Variants in ERBB4 observed in about 807,000 individuals in gnomAD.
ERBB4 encodes the protein receptor tyrosine-protein kinase erbB-4.
Under a neutral mutation model 158.0 loss-of-function variants are expected in ERBB4, and 42 were observed. The observed-to-expected ratio is 0.27, with a 90% confidence interval of 0.21 to 0.34. The LOEUF (loss-of-function observed/expected upper bound fraction) is 0.34. Ranked by LOEUF, ERBB4 falls within the 10% of genes least tolerant of loss-of-function variation. The pLI is 1.00. For synonymous variants in ERBB4, 583 were observed against 558.7 expected, an observed-to-expected ratio of 1.04 and a Z score of -0.61; for missense variants, 1,333 against 1,624.1, an observed-to-expected ratio of 0.82 and a Z score of 3.08.
intron 1 of ERBB4, among the ~76,000 whole-genome samples, chr2:212,349,500 T>C (rs2089162172): frequency 6.6e-6 from 1 of 152,016 alleles, no homozygotes; most frequent in East Asian, 1.9e-4. Context: ...GACTAACAGA[T>C]TAAAATAAGA....
chr2:211,804,587 C>T (rs2076571762), intron 3 of ERBB4, among the ~76,000 whole-genome samples: 1 of 152,234 alleles, frequency 6.6e-6, no homozygotes, highest in Non-Finnish European at 1.5e-5. Flanking sequence ...AGTATGCTCT[C>T]AGCCAGAAGT....
chr2:212,216,163 C>T (rs187756801), intron 1 of ERBB4, among the ~76,000 whole-genome samples: 2 of 151,384 alleles, frequency 1.3e-5, no homozygotes, highest in Non-Finnish European at 3.0e-5. Context: ...TAGCAATGAG[C>T]ATATTATTTT....
intron 1 of ERBB4, among the ~76,000 whole-genome samples, chr2:212,456,169 G>T (rs1688279907): frequency 6.6e-6 from 1 of 152,000 alleles, no homozygotes; most frequent in Non-Finnish European, 1.5e-5. Flanking sequence ...GCAACATTTT[G>T]CAATGAAGAA....
At chr2:212,187,873 G>C (rs547081904) in intron 1 of ERBB4, among the ~76,000 whole-genome samples, 2 of 152,176 alleles carry the variant, frequency 1.3e-5, no homozygotes, top group South Asian at 2.1e-4. Flanking sequence ...ATGTGACTGA[G>C]AGCTCCTAAT....
At chr2:211,684,973 C>T (rs72945086) in intron 12 of ERBB4, among the ~76,000 whole-genome samples, 16,873 of 152,202 alleles carry the variant, frequency 0.11, 1,388 homozygotes, top group Non-Finnish European at 0.17. Context: ...CTGCTGCAAA[C>T]CCTGCTGTCT....
In ERBB4 at chr2:211,630,581, CA is replaced by C; in HGVS notation, c.1959del (p.Ile653MetfsTer5). ...AAGAGCCCACCAATTACTCCAGCTG[CA>C]ATCAGGGGAGTTCTGACAACCAGAA... ...TLPQHARTPLIAAGVIGGLFI... is the reference protein window; with the variant it reads ...TLPQHARTPLXAAGVIGGLFI... On this transcript the variant is annotated frameshift_variant, in exon 17 of 28. Transcript: ENST00000342788. LOFTEE classifies it high-confidence loss of function. 1 of 1,611,264 alleles carries C rather than the reference CA, an allele frequency of 6.2e-7. No homozygotes were observed. The highest frequency in any genetic ancestry group is 8.5e-7 in the Non-Finnish European group (1 of 1,179,264).
intron 3 of ERBB4, among the ~76,000 whole-genome samples, chr2:211,929,120 GTA>G (rs1341986050): frequency 1.3e-5 from 2 of 152,000 alleles, no homozygotes; most frequent in South Asian, 4.1e-4. Flanking sequence ...CCTGCCCTCA[GTA>G]CAGTTTGTGA....
At chr2:211,862,035 A>G (rs2078069773) in intron 3 of ERBB4, among the ~76,000 whole-genome samples, 3 of 152,164 alleles carry the variant, frequency 2.0e-5, no homozygotes, top group Non-Finnish European at 4.4e-5. Flanking sequence ...AGTTAATATA[A>G]AACATATTTA....
chr2:211,965,936 G>A (rs1011448138), intron 2 of ERBB4, among the ~76,000 whole-genome samples: 8 of 152,150 alleles, frequency 5.3e-5, no homozygotes, highest in Non-Finnish European at 4.4e-5. Flanking sequence ...ATATGGTTGG[G>A]CACAGAGAAT....
intron 1 of ERBB4, among the ~76,000 whole-genome samples, chr2:212,154,622 C>A (rs558208236): frequency 6.6e-6 from 1 of 151,458 alleles, no homozygotes; most frequent in South Asian, 2.1e-4. Flanking sequence ...CCGCCTGTCT[C>A]TTCCCTGCAA....
In ERBB4 at chr2:211,665,359, C is replaced by T. The variant is rs139122290; in HGVS notation, c.1835G>A (p.Arg612Gln). Residue 612 changes from arginine (R) to glutamine (Q), a missense_variant, in exon 15 of 28, where the codon CGG becomes CAG. Physicochemically the swap from Arg to Gln is conservative, Grantham distance 43. Transcript: ENST00000342788. ...GTTTGGATGGCATGGGTGGCACTCC[C>T]GATCTGGATCAGCATACTTGAAAAT... ...SFIFKYADPD[R>Q]ECHPCHPNCT... 105 of 1,614,012 alleles carry T rather than the reference C, an allele frequency of 6.5e-5. No individual in the cohort carries two copies. Among genetic ancestry groups the T allele is most frequent in the African/African-American group, 4.7e-4 (35 of 74,918 alleles).
At chr2:211,526,074 T>G (rs2066339992) in intron 20 of ERBB4, among the ~76,000 whole-genome samples, 1 of 152,108 alleles carries the variant, frequency 6.6e-6, no homozygotes, top group Admixed American at 6.5e-5. Context: ...ACCTGCTGAT[T>G]GTAGAGTCCT....
intron 4 of ERBB4, among the ~76,000 whole-genome samples, chr2:211,779,963 A>G (rs1020900202): frequency 2.0e-5 from 3 of 152,142 alleles, no homozygotes; most frequent in Non-Finnish European, 4.4e-5. Flanking sequence ...CCTATTACAG[A>G]AGAAGTACTC....
chr2:211,890,406 C>T (rs914575934), intron 3 of ERBB4, among the ~76,000 whole-genome samples: 11 of 149,304 alleles, frequency 7.4e-5, no homozygotes, highest in South Asian at 4.3e-4. Flanking sequence ...CTGAAGGAAG[C>T]GCTAAACATG....
intron 2 of ERBB4, among the ~76,000 whole-genome samples, chr2:212,016,720 T>C (rs879336228): frequency 3.3e-5 from 5 of 152,118 alleles, no homozygotes; most frequent in Non-Finnish European, 5.9e-5. Flanking sequence ...TTTTACATAG[T>C]GGTGTTACCC....
intron 3 of ERBB4, among the ~76,000 whole-genome samples, chr2:211,939,635 C>G (rs570424697): frequency 6.6e-6 from 1 of 152,184 alleles, no homozygotes; most frequent in East Asian, 1.9e-4. Flanking sequence ...ATAGCATGCA[C>G]TCTTCATTCC....
chr2:211,991,458 T>G (rs1431534794), intron 2 of ERBB4, among the ~76,000 whole-genome samples: 1 of 152,036 alleles, frequency 6.6e-6, no homozygotes. Flanking sequence ...TTCTTAAAGG[T>G]AAGAATGCAA....
chr2:211,847,613 A>C (rs929127193), intron 3 of ERBB4, among the ~76,000 whole-genome samples: 10 of 149,724 alleles, frequency 6.7e-5, no homozygotes, highest in African/African-American at 2.2e-4. Flanking sequence ...AAATTTGTAA[A>C]CTTTCTTAAA....
intron 19 of ERBB4, among the ~76,000 whole-genome samples, chr2:211,565,561 A>G (rs574799715): frequency 1.3e-5 from 2 of 152,276 alleles, no homozygotes; most frequent in East Asian, 3.9e-4. Flanking sequence ...TAGTCTTGTC[A>G]AAGTATTTCA....
Sources: gnomAD v4.1 joint callset for allele counts (sites outside exome capture counted in the v4.1 genomes callset) on GRCh38, gnomAD v4.1.1 for gene constraint, MANE v1.5 for transcripts, NCBI Gene and HGNC (gene_info 2026-07-23, HGNC 2026-07-21) for gene names.